HIP1R: variants seen among roughly 807,000 people sequenced by gnomAD.
HIP1R encodes huntingtin-interacting protein 1-related protein.
A neutral mutation model predicts 144.2 loss-of-function variants in HIP1R; 135 were observed. That is an observed-to-expected ratio of 0.94 (90% CI 0.81 to 1.08). The LOEUF is 1.08. Among genes scored for constraint, HIP1R ranks in the 50% least tolerant of loss-of-function variants. The pLI is 0.00. For synonymous variants in HIP1R, 698 were observed against 612.8 expected (o/e 1.14, Z -2.05); for missense variants, 1,462 against 1,432.8 (o/e 1.02, Z -0.33).
chr12:122,839,758 A>G (rs1170151780), intron 1 of HIP1R, among the ~76,000 whole-genome samples: 2 of 152,204 alleles, frequency 1.3e-5, no homozygotes, highest in Non-Finnish European at 2.9e-5. Flanking sequence ...CCCTTTCAAC[A>G]TGTAATTGCC....
intron 7 of HIP1R, among the ~76,000 whole-genome samples, chr12:122,852,867 G>A (rs998772091): frequency 6.6e-6 from 1 of 152,218 alleles, no homozygotes; most frequent in Non-Finnish European, 1.5e-5. Context: ...TATGTGTGCT[G>A]TAATTTTTTG....
At position 122,861,700 on chromosome 12, in the gene HIP1R, C is replaced by T; in HGVS notation, c.3160-6C>T. On this transcript the variant is annotated splice_polypyrimidine_tract_variant and splice_region_variant and intron_variant, in intron 31 of 31. Transcript: ENST00000253083. ...ACCACTGACCCCCCACCTTTAACCCCTGCAGCTTGACAAAAAGGATGGCAT... is the reference window on the plus strand; with the variant it reads ...ACCACTGACCCCCCACCTTTAACCCTTGCAGCTTGACAAAAAGGATGGCAT... 3.7e-6 allele frequency: 6 copies of T among 1,614,098 alleles called. No homozygotes were observed. Among genetic ancestry groups the T allele is most frequent in the Non-Finnish European group, 5.1e-6 (6 of 1,179,990 alleles).
chr12:122,860,680 G>T lies in HIP1R; in HGVS notation c.2662G>T (p.Glu888Ter). The change falls in exon 28 of 32, where the codon GAG becomes TAG. Residue 888 changes from glutamate (E) to a stop codon, truncating the protein, a stop_gained and splice_region_variant. Coordinates refer to ENST00000253083, the MANE Select transcript of HIP1R (RefSeq NM_003959.3). LOFTEE classifies it high-confidence loss of function. Reference protein sequence around the residue: ...AVGWGATQLVEAADKVVLHTG... With the variant: ...AVGWGATQLV ...CCCTGACTGGCCCTTGACCCGCAGG[G>T]AGGCAGCTGACAAGGTGGTGCTTCA... 6.2e-7 allele frequency: 1 copy of T among 1,613,184 alleles called. No homozygotes were observed. The highest frequency in any genetic ancestry group is 1.1e-5 in the South Asian group (1 of 91,070).
In HIP1R at chr12:122,848,816, G is replaced by A; in HGVS notation, c.321G>A (p.Arg107=). The change falls in exon 4 of 32, where the codon CGG becomes CGA. Residue 107 remains arginine (R), a synonymous_variant. Transcript: ENST00000253083. ...TGCAGGTGCTGCATGACTGCCAGCG[G>A]TACCGCAGCAACATCCGGGAGATTG... ...GHPNVLHDCQ[R]YRSNIREIGD... The A allele has an allele frequency of 6.2e-7, 1 of 1,613,266 alleles. No individual in the cohort carries two copies. The highest frequency in any genetic ancestry group is 8.5e-7 in the Non-Finnish European group (1 of 1,179,998).
intron 6 of HIP1R, 77 bp downstream of exon 6, chr12:122,850,988 C>T (rs1029982599): frequency 1.1e-5 from 14 of 1,311,858 alleles, no homozygotes; most frequent in Middle Eastern, 2.0e-4. Context: ...CACGCCCAGG[C>T]GTCCGCATGG....
rs772793025 is a variant in HIP1R at position 122,856,642 on chromosome 12, C to T, written c.1536C>T (p.Asp512=). ...TGTCCCAGCTAGAGGAGAAGAGCGA[C>T]CAGCTGGAGAAGCTCAAGAGGGAGC... The part of the protein sequence containing the change: ...ESELKLEEKS[D]QLEKLKRELE... The change falls in exon 17 of 32, where the codon GAC becomes GAT. Residue 512 remains aspartate (D), a synonymous_variant. Coordinates refer to ENST00000253083, the MANE Select transcript of HIP1R (RefSeq NM_003959.3). The T allele has an allele frequency of 2.5e-6, 4 of 1,605,044 alleles. No homozygotes were observed. In the South Asian group the frequency reaches 4.5e-5, roughly 18 times the overall value.
At chr12:122,843,447 T>C (rs1199216613) in intron 1 of HIP1R, among the ~76,000 whole-genome samples, 2 of 152,170 alleles carry the variant, frequency 1.3e-5, no homozygotes, top group South Asian at 2.1e-4. Context: ...CTCAATAAAA[T>C]TGAATTTATT....
chr12:122,851,731 C>T (rs1313523538), intron 7 of HIP1R, among the ~76,000 whole-genome samples: 2 of 151,878 alleles, frequency 1.3e-5, no homozygotes, highest in East Asian at 3.9e-4. Flanking sequence ...CCTGGGGTCC[C>T]TGCACCTCCA....
intron 5 of HIP1R, 69 bp from the exon 6 acceptor site, chr12:122,850,766 T>A: frequency 9.5e-7 from 1 of 1,049,980 alleles, no homozygotes; most frequent in Non-Finnish European, 1.3e-6. Flanking sequence ...GGGGGAGCCC[T>A]GGTTCGGTGG....
chr12:122,856,205 C>T, intron 14 of HIP1R, 42 bp downstream of exon 14: 1 of 1,612,660 alleles, frequency 6.2e-7, no homozygotes, highest in Non-Finnish European at 8.5e-7. Flanking sequence ...GGTGTGTCCC[C>T]AGCCCCTGCC....
Position 122,861,963 on chromosome 12 carries a change from C to T in HIP1R, c.*210C>T. The T allele has an allele frequency of 1.8e-6, 1 of 543,932 alleles. No individual in the cohort carries two copies. The allele number at this position is 543,932 out of a possible 1,614,324, so 33.7% of individuals were successfully genotyped here. ...TTCTGGATGTGAGTCTCTTATTTAT[C>T]TGCAGAAGGAACTTTGGGGTGCAGC... On this transcript the variant is annotated 3_prime_UTR_variant, in exon 32 of 32. Coordinates refer to ENST00000253083, the MANE Select transcript of HIP1R (RefSeq NM_003959.3).
intron 1 of HIP1R, among the ~76,000 whole-genome samples, chr12:122,839,415 C>T (rs2032995378): frequency 6.6e-6 from 1 of 152,198 alleles, no homozygotes; most frequent in African/African-American, 2.4e-5. Context: ...TAACTGTAGA[C>T]ATGAAACTAC....
intron 1 of HIP1R, among the ~76,000 whole-genome samples, chr12:122,838,127 T>C (rs776780020): frequency 2.0e-5 from 3 of 152,166 alleles, no homozygotes; most frequent in Non-Finnish European, 4.4e-5. Flanking sequence ...TGCTTTCCTG[T>C]GAGCTTTTTT....
At chr12:122,857,408 T>C in intron 18 of HIP1R, 193 bp downstream of exon 18, 1 of 632,920 alleles carries the variant, frequency 1.6e-6, no homozygotes, top group East Asian at 2.7e-5. Flanking sequence ...TGTCATTACC[T>C]CATTCCTTTT....
Position 122,856,107 on chromosome 12 carries a change from T to TGAGGGCTGCCCAGCTG in HIP1R, c.1263_1278dup (p.Glu427CysfsTer13). 3 of 1,588,040 alleles carry TGAGGGCTGCCCAGCTG rather than the reference T, an allele frequency of 1.9e-6. No individual in the cohort carries two copies. Among genetic ancestry groups the TGAGGGCTGCCCAGCTG allele is most frequent in the South Asian group, 1.1e-5 (1 of 88,050 alleles). ...CAGCTCCGCCACGAGCTGGCCCAGC[T>TGAGGGCTGCCCAGCTG]GAGGGCTGCCCAGCTGGAGGGCGAG... is the stretch of plus-strand genomic sequence containing the variant. On this transcript the variant is annotated frameshift_variant, in exon 14 of 32. Transcript: ENST00000253083. LOFTEE classifies it high-confidence loss of function.
chr12:122,856,087 C>T lies in HIP1R; in HGVS notation c.1236C>T (p.Leu412=), dbSNP rs1205108831. 6.3e-7 allele frequency: 1 copy of T among 1,585,306 alleles called. No homozygotes were observed. Among genetic ancestry groups the T allele is most frequent in the Middle Eastern group, 1.7e-4 (1 of 5,994 alleles). ...AGGCCCTGGTGGATAATGAGCAGCTCCGCCACGAGCTGGCCCAGCTGAGGG... is the reference window on the plus strand; with the variant it reads ...AGGCCCTGGTGGATAATGAGCAGCTTCGCCACGAGCTGGCCCAGCTGAGGG... ...KQKALVDNEQ[L]RHELAQLRAA... is the part of the protein sequence containing the mutation. Residue 412 remains leucine, a synonymous_variant, in exon 14 of 32, where the codon CTC becomes CTT. Transcript: ENST00000253083.
At position 122,835,470 on chromosome 12, in the gene HIP1R, G is replaced by C. The variant is rs2032853663; in HGVS notation, c.-81G>C. 8.5e-7 allele frequency: 1 copy of C among 1,175,816 alleles called. No individual in the cohort carries two copies. The highest frequency in any genetic ancestry group is 1.6e-5 in the African/African-American group (1 of 61,176). 72.8% of individuals were successfully genotyped at this position (1,175,816 alleles called of 1,614,324 possible). ...CCCGGGCGCGGCGCGGTGGCCTCGC[G>C]GTGCCTAGGCTGGGGCTGCCGGACC... On this transcript the variant is annotated 5_prime_UTR_variant, in exon 1 of 32. Transcript: ENST00000253083.
chr12:122,858,791 G>A (rs1371054847), intron 20 of HIP1R, 47 bp from the exon 21 acceptor site: 29 of 1,327,728 alleles, frequency 2.2e-5, no homozygotes, highest in Non-Finnish European at 3.1e-5. Flanking sequence ...CAGTGCTAGT[G>A]TCTCAGTGTC....
rs1395128819 is a variant in HIP1R, at chr12:122,862,030, T to C, written c.*277T>C. 2 of 455,660 alleles carry C rather than the reference T, an allele frequency of 4.4e-6. No homozygotes were observed. The highest frequency in any genetic ancestry group is 3.9e-5 in the Admixed American group (1 of 25,630). The allele number at this position is 455,660 out of a possible 1,614,324, so 28.2% of individuals were successfully genotyped here. A position where few individuals can be genotyped will look rare whatever the true frequency, so the allele number is the denominator to read the frequency against. On this transcript the variant is annotated 3_prime_UTR_variant, in exon 32 of 32. Coordinates refer to ENST00000253083, the MANE Select transcript of HIP1R (RefSeq NM_003959.3). ...TGAGCCTCAACTCTTCAGAAAATAGTGTTTTTAATATTCCTCTTCAGAAAA... is the reference window on the plus strand; with the variant it reads ...TGAGCCTCAACTCTTCAGAAAATAGCGTTTTTAATATTCCTCTTCAGAAAA...
Sources: allele counts gnomAD v4.1 joint callset (sites outside exome capture counted in the v4.1 genomes callset), GRCh38; gene constraint gnomAD v4.1.1; transcripts MANE v1.5; gene names NCBI Gene and HGNC (gene_info 2026-07-23, HGNC 2026-07-21).